The following ABHD4 variants were observed in gnomAD, a reference collection of about 807,000 sequenced individuals.
The protein encoded by ABHD4 is (Lyso)-N-acylphosphatidylethanolamine lipase.
A neutral mutation model predicts 42.3 loss-of-function variants in ABHD4; 35 were observed. The ratio of observed to expected loss-of-function variants is 0.83; its 90% CI spans 0.63 to 1.10. The LOEUF (loss-of-function observed/expected upper bound fraction) is 1.10, where lower values mean the gene tolerates loss of function less well. Ranked by LOEUF, ABHD4 falls within the 50% of genes least tolerant of loss-of-function variation. ABHD4 has a pLI of 0.00. For synonymous variants in ABHD4, 169 were observed against 170.6 expected (o/e 0.99, Z 0.07); for missense variants, 389 against 454.8 (o/e 0.86, Z 1.32).
chr14:22,609,932 G>A, intron 6 of ABHD4, 22 bp downstream of exon 6: 3 of 1,610,200 alleles, frequency 1.9e-6, no homozygotes, highest in Non-Finnish European at 2.5e-6. Flanking sequence ...CACCCAAGGA[G>A]TGGAAATGAT....
intron 2 of ABHD4, among the ~76,000 whole-genome samples, chr14:22,602,513 G>A (rs943885564): frequency 6.6e-6 from 1 of 152,144 alleles, no homozygotes; most frequent in African/African-American, 2.4e-5. Flanking sequence ...AGCAGAACAA[G>A]CACTGCCCCA....
intron 1 of ABHD4, chr14:22,600,145 A>C (rs1035227390): frequency 4.4e-5 from 20 of 455,766 alleles, no homozygotes; most frequent in African/African-American, 2.2e-4. Flanking sequence ...AAAGATGAGG[A>C]AGCTCTGACA....
rs376031737 is a variant in ABHD4, at chr14:22,603,597, G to A, written c.320G>A (p.Arg107Gln). ...ACCTTCGATCTGCTTGGCTTCGGGC[G>A]AAGCTCAAGGCCAGCATTCCCAAGG... ...LHTFDLLGFG[R>Q]SSRPAFPRDP... Residue 107 changes from arginine (R) to glutamine (Q), a missense_variant, in exon 3 of 7, where the codon CGA (arginine) becomes CAA (glutamine). Physicochemically the swap from Arg to Gln is conservative, Grantham distance 43 (BLOSUM62 1). Around this residue, in one of 3 missense-constraint regions of ABHD4, gnomAD observed 38 missense variants for 72.1 expected, o/e 0.53. Coordinates refer to ENST00000428304, the MANE Select transcript of ABHD4 (RefSeq NM_022060.3). 8.1e-6 allele frequency: 13 copies of A among 1,614,072 alleles called. No homozygotes were observed. The highest frequency in any genetic ancestry group is 1.7e-5 in the Admixed American group (1 of 60,010).
intron 4 of ABHD4, among the ~76,000 whole-genome samples, chr14:22,606,197 G>A (rs1305077929): frequency 1.3e-5 from 2 of 152,178 alleles, no homozygotes; most frequent in Non-Finnish European, 2.9e-5. Flanking sequence ...TTGTTAGATT[G>A]TCTCTAAATT....
In ABHD4 at chr14:22,604,094, G is replaced by A. The variant is rs926402391; in HGVS notation, c.640+15G>A. On this transcript the variant is annotated intron_variant, in intron 4 of 6. Transcript: ENST00000428304. ...TGGGCCCTGGGGTGAGTAGCCTGTA[G>A]TATCTCCTTAAAGGAAGGCTATAAC... The A allele has an allele frequency of 1.9e-6, 3 of 1,613,694 alleles. No homozygotes were observed. Among genetic ancestry groups the A allele is most frequent in the Admixed American group, 3.3e-5 (2 of 59,996 alleles).
At position 22,603,453 on chromosome 14, in the gene ABHD4, T is replaced by C; in HGVS notation, c.176T>C (p.Val59Ala). The change falls in exon 3 of 7, where the codon GTG becomes GCG. Residue 59 changes from valine (V) to alanine (A), a missense_variant. Physicochemically the swap from Val to Ala is moderately conservative, Grantham distance 64. Coordinates refer to ENST00000428304, the MANE Select transcript of ABHD4 (RefSeq NM_022060.3). ...SLPNQNKIWT[V>A]TVSPEQNDRT... ...CCAAACCAGAATAAGATCTGGACGG[T>C]GACTGTGAGCCCCGAGCAAAACGAC... 1.9e-6 allele frequency: 3 copies of C among 1,614,144 alleles called. No individual in the cohort carries two copies. Among genetic ancestry groups the C allele is most frequent in the Non-Finnish European group, 1.7e-6 (2 of 1,180,028 alleles).
intron 4 of ABHD4, among the ~76,000 whole-genome samples, chr14:22,604,459 C>T (rs1594891908): frequency 1.3e-5 from 2 of 152,290 alleles, no homozygotes; most frequent in South Asian, 2.1e-4. Flanking sequence ...ATCGTGTTAA[C>T]CAGGCTGGTC....
chr14:22,609,584 A>C, intron 5 of ABHD4, 140 bp from the exon 6 acceptor site: 1 of 952,460 alleles, frequency 1.0e-6, no homozygotes, highest in Non-Finnish European at 1.5e-6. Context: ...GTCTTCCCCT[A>C]ATCTTACCAA....
At position 22,601,752 on chromosome 14, in the gene ABHD4, C is replaced by T; in HGVS notation, c.109C>T (p.Gln37Ter). ...QLKNVEARILQCLQNKFLARY... is the reference protein window; with the variant it reads ...QLKNVEARIL ...GAAGAATGTGGAAGCCAGGATCCTC[C>T]AGTGTAAGTAGAATGGACAGCTTGT... Residue 37 changes from glutamine (Q) to a stop codon, truncating the protein, a stop_gained, in exon 2 of 7, where the codon CAG becomes TAG. Transcript: ENST00000428304. LOFTEE classifies it high-confidence loss of function. 6.2e-7 allele frequency: 1 copy of T among 1,614,072 alleles called. No homozygotes were observed. The highest frequency in any genetic ancestry group is 2.2e-5 in the East Asian group (1 of 44,886).
At chr14:22,600,678 G>C (rs1594889974) in intron 1 of ABHD4, among the ~76,000 whole-genome samples, 1 of 152,238 alleles carries the variant, frequency 6.6e-6, no homozygotes, top group Non-Finnish European at 1.5e-5. Context: ...GGTTAACAAG[G>C]AATAATACAA....
intron 1 of ABHD4, among the ~76,000 whole-genome samples, chr14:22,600,831 G>GGGGTGTGT (rs1425183297): frequency 4.6e-5 from 3 of 65,228 alleles, no homozygotes; most frequent in African/African-American, 1.8e-4. Flanking sequence ...CCAGCAGGGG[G>GGGGTGTGT]GTGTGTGTGT....
At chr14:22,605,569 A>C (rs1367050958) in intron 4 of ABHD4, among the ~76,000 whole-genome samples, 1 of 152,218 alleles carries the variant, frequency 6.6e-6, no homozygotes, top group African/African-American at 2.4e-5. Context: ...TCTCCAACAG[A>C]GTCTATAGTC....
At chr14:22,605,833 C>T in intron 4 of ABHD4, 1 of 1,288,778 alleles carries the variant, frequency 7.8e-7, no homozygotes, top group Non-Finnish European at 1.0e-6. Flanking sequence ...AGAAGTTGAC[C>T]AGTAGACCTC....
chr14:22,604,882 T>C (rs2037331755), intron 4 of ABHD4, among the ~76,000 whole-genome samples: 1 of 152,192 alleles, frequency 6.6e-6, no homozygotes, highest in South Asian at 2.1e-4. Context: ...AGTGCTGGGA[T>C]TACAGGCATG....
At position 22,603,660 on chromosome 14, in the gene ABHD4, T is replaced by C. The variant is rs1323844576; in HGVS notation, c.383T>C (p.Ile128Thr). Residue 128 changes from isoleucine to threonine, a missense_variant, in exon 3 of 7, where the codon ATA (isoleucine) becomes ACA (threonine). This residue lies in a region of ABHD4 where 38 missense variants were observed against 72.1 expected (regional missense o/e 0.53). Transcript: ENST00000428304. ...GCTGAGGATGAGTTTGTGACATCGA[T>C]AGAGACATGGCGGGAGACCATGGGG... is the stretch of plus-strand genomic sequence containing the variant. ...EGAEDEFVTS[I>T]ETWRETMGIP... 4 of 1,613,920 alleles carry C rather than the reference T, an allele frequency of 2.5e-6. No homozygotes were observed. Among genetic ancestry groups the C allele is most frequent in the African/African-American group, 1.3e-5 (1 of 74,892 alleles).
intron 5 of ABHD4, among the ~76,000 whole-genome samples, chr14:22,607,824 A>G (rs1378433103): frequency 2.0e-4 from 31 of 152,196 alleles, no homozygotes; most frequent in Non-Finnish European, 4.0e-4. Flanking sequence ...TTCACATCCC[A>G]GAGGAAGCAA....
chr14:22,600,022 GA>G (rs1158538958), intron 1 of ABHD4: 1 of 288,660 alleles, frequency 3.5e-6, no homozygotes, highest in Non-Finnish European at 7.2e-6. Flanking sequence ...TAGCTGGGGG[GA>G]AAGAAAGTTG....
At chr14:22,604,290 A>G (rs7146001) in intron 4 of ABHD4, 332,987 of 540,454 alleles carry the variant, frequency 0.62, 107,309 homozygotes, top group African/African-American at 0.85. Flanking sequence ...TCGCTCTGTC[A>G]CCCAGGCTGG....
rs181238405 is a variant in ABHD4 at position 22,603,357 on chromosome 14, T to G, written c.113-33T>G. 293 of 1,613,452 alleles carry G rather than the reference T, an allele frequency of 1.8e-4. 1 individual carries two copies. In the African/African-American group the frequency reaches 3.3e-3, roughly 18 times the overall value. On this transcript the variant is annotated intron_variant, in intron 2 of 6. Transcript: ENST00000428304. Reference sequence around the variant, plus strand: ...AATGATGATGCCGTCAGGAAACACTTATTGACTTACCATGGGATTCTTTCC... The same window carrying G: ...AATGATGATGCCGTCAGGAAACACTGATTGACTTACCATGGGATTCTTTCC...
Sources: gnomAD v4.1 joint callset for allele counts (sites outside exome capture counted in the v4.1 genomes callset) on GRCh38, gnomAD v4.1.1 for gene constraint, gnomAD v4.1.1 regional missense constraint, MANE v1.5 for transcripts, NCBI Gene and HGNC (gene_info 2026-07-23, HGNC 2026-07-21) for gene names.